The following PLEKHG1 variants were observed in gnomAD, a reference collection of about 807,000 sequenced individuals.
PLEKHG1 encodes the protein pleckstrin homology and RhoGEF domain containing G1.
PLEKHG1 carries 44 observed loss-of-function variants against 100.8 expected under a neutral mutation model. The observed-to-expected ratio is 0.44, with a 90% CI of 0.34 to 0.56. The LOEUF (loss-of-function observed/expected upper bound fraction) is 0.56. Ranked by LOEUF, PLEKHG1 falls within the 20% of genes least tolerant of loss-of-function variation. PLEKHG1 has a pLI of 0.01. For synonymous variants in PLEKHG1, 640 were observed against 662.5 expected (o/e 0.97, Z 0.52); for missense variants, 1,545 against 1,720.9 (o/e 0.90, Z 1.81).
intron 3 of PLEKHG1, among the ~76,000 whole-genome samples, chr6:150,664,686 G>T (rs369189410): frequency 8.5e-4 from 129 of 152,172 alleles, no homozygotes; most frequent in African/African-American, 3.0e-3. Context: ...GGTCCAGGTC[G>T]CTGAATCTCC....
chr6:150,700,592 G>A (rs887074780), intron 3 of PLEKHG1, among the ~76,000 whole-genome samples: 4 of 152,164 alleles, frequency 2.6e-5, no homozygotes, highest in Admixed American at 2.0e-4. Context: ...TCACATATTC[G>A]AGATTCTCTA....
chr6:150,759,321 T>C (rs1784029196), intron 2 of PLEKHG1, among the ~76,000 whole-genome samples: 1 of 152,198 alleles, frequency 6.6e-6, no homozygotes, highest in Non-Finnish European at 1.5e-5. Flanking sequence ...ATATAGCCTG[T>C]GATGATCTTG....
chr6:150,648,823 A>G (rs1778600310), intron 2 of PLEKHG1, among the ~76,000 whole-genome samples: 1 of 152,170 alleles, frequency 6.6e-6, no homozygotes, highest in Non-Finnish European at 1.5e-5. Context: ...ATTAAATATC[A>G]CCTTATAAAA....
At chr6:150,644,932 T>C (rs1778428658) in intron 2 of PLEKHG1, among the ~76,000 whole-genome samples, 1 of 152,198 alleles carries the variant, frequency 6.6e-6, no homozygotes, top group African/African-American at 2.4e-5. Context: ...GATTTTCTCA[T>C]ATGTAGATCT....
intron 11 of PLEKHG1, 111 bp from the exon 13 acceptor site, chr6:150,819,568 A>AAATAAT (rs553396558): frequency 9.8e-6 from 5 of 512,570 alleles, no homozygotes; most frequent in Non-Finnish European, 1.4e-5. Flanking sequence ...TCTGTCTCAA[A>AAATAAT]AATAATAATA....
intron 4 of PLEKHG1, among the ~76,000 whole-genome samples, chr6:150,787,369 A>G (rs1785687454): frequency 6.6e-6 from 1 of 152,218 alleles, no homozygotes; most frequent in African/African-American, 2.4e-5. Context: ...GAATTCTGAA[A>G]CCTACCCTTT....
exon 2 of PLEKHG1, chr6:150,733,811 A>G (rs1782415564): frequency 1.2e-6 from 2 of 1,614,100 alleles, no homozygotes; most frequent in African/African-American, 2.7e-5. Flanking sequence ...GGGCTTGTTT[A>G]ACCAGGATAA....
intron 1 of PLEKHG1, among the ~76,000 whole-genome samples, chr6:150,603,067 G>A (rs1470470835): frequency 1.9e-5 from 2 of 104,974 alleles, no homozygotes; most frequent in African/African-American, 7.1e-5. Flanking sequence ...GGGCGACAGC[G>A]AGACTCCGTC....
chr6:150,764,950 AT>A (rs3072747), intron 2 of PLEKHG1, among the ~76,000 whole-genome samples: 2 of 150,788 alleles, frequency 1.3e-5, no homozygotes, highest in Admixed American at 6.6e-5. Context: ...TGTTTTATGC[AT>A]TTTTTTTTAA....
intron 1 of PLEKHG1, among the ~76,000 whole-genome samples, chr6:150,615,839 T>C (rs9480496): frequency 0.079 from 12,089 of 152,232 alleles, 552 homozygotes; most frequent in Non-Finnish European, 0.1. Context: ...AGATGCTGGA[T>C]TGATTGGTAC....
intron 3 of PLEKHG1, among the ~76,000 whole-genome samples, chr6:150,672,177 T>C (rs1779608478): frequency 6.6e-6 from 1 of 152,076 alleles, no homozygotes; most frequent in Non-Finnish European, 1.5e-5. Flanking sequence ...CTTTGGGTAA[T>C]GGAAAAAGAA....
intron 15 of PLEKHG1, among the ~76,000 whole-genome samples, chr6:150,832,647 C>T (rs978459913): frequency 1.3e-5 from 2 of 150,552 alleles, no homozygotes; most frequent in African/African-American, 4.9e-5. Context: ...AAAATGCCAA[C>T]TCGTGCTAAC....
At chr6:150,642,812 G>C (rs1249979044) in intron 2 of PLEKHG1, among the ~76,000 whole-genome samples, 1 of 152,206 alleles carries the variant, frequency 6.6e-6, no homozygotes, top group African/African-American at 2.4e-5. Flanking sequence ...CTGCTATCCA[G>C]TTTGTCTCCT....
At chr6:150,644,924 T>C (rs1325630151) in intron 2 of PLEKHG1, among the ~76,000 whole-genome samples, 1 of 152,166 alleles carries the variant, frequency 6.6e-6, no homozygotes, top group Non-Finnish European at 1.5e-5. Context: ...AAGATGTTGA[T>C]TTTCTCATAT....
chr6:150,757,386 T>C, intron 2 of PLEKHG1, among the ~76,000 whole-genome samples: 1 of 152,232 alleles, frequency 6.6e-6, no homozygotes, highest in Admixed American at 6.5e-5. Context: ...TCAGGTGAAG[T>C]GTGGGTTGTT....
At chr6:150,711,302 C>T (rs1315633235) in intron 3 of PLEKHG1, among the ~76,000 whole-genome samples, 1 of 152,090 alleles carries the variant, frequency 6.6e-6, no homozygotes, top group East Asian at 1.9e-4. Context: ...CTCCCTGCAC[C>T]GCTCCCCATC....
rs866428500 is a variant in PLEKHG1, at chr6:150,681,350, G to A, written c.-99+30564G>A. 5.9e-5 allele frequency among the ~76,000 whole-genome samples: 9 copies of A among 151,870 alleles called. No homozygotes were observed. The South Asian group carries it at 1.3e-3, about 21-fold the overall frequency. On this transcript the variant is annotated intron_variant, in intron 3 of 3. Transcript: ENST00000367326. ...AACATGGTGAAAACCCCTCTCTACC[G>A]AAAATACAAAATTTAGCTGGGCGTG...
At chr6:150,702,279 GC>G (rs375443132) in intron 3 of PLEKHG1, among the ~76,000 whole-genome samples, 5 of 152,172 alleles carry the variant, frequency 3.3e-5, no homozygotes, top group African/African-American at 1.2e-4. Flanking sequence ...AGACCAGCCT[GC>G]CCAGCATGGT....
intron 3 of PLEKHG1, among the ~76,000 whole-genome samples, chr6:150,771,179 G>A (rs1784698384): frequency 6.6e-6 from 1 of 152,182 alleles, no homozygotes; most frequent in Admixed American, 6.5e-5. Flanking sequence ...TTGGGAGGCC[G>A]AAGTGGGTGG....
Sources: allele counts gnomAD v4.1 joint callset (sites outside exome capture counted in the v4.1 genomes callset), GRCh38; gene constraint gnomAD v4.1.1; transcripts MANE v1.5; gene names NCBI Gene and HGNC (gene_info 2026-07-23, HGNC 2026-07-21).